PADI4: variants seen among roughly 807,000 people sequenced by gnomAD.
PADI4 encodes peptidyl arginine deiminase 4, also known as protein-arginine deiminase type-4.
A neutral mutation model predicts 75.0 loss-of-function variants in PADI4; 62 were observed. The observed-to-expected ratio is 0.83, with a 90% CI of 0.67 to 1.02. PADI4 has a LOEUF of 1.02. Ranked by LOEUF, PADI4 falls within the 50% of genes least tolerant of loss-of-function variation. PADI4 has a pLI of 0.00. For synonymous variants in PADI4, 361 were observed against 348.1 expected (o/e 1.04, Z -0.41); for missense variants, 845 against 850.5 (o/e 0.99, Z 0.08).
intron 1 of PADI4, among the ~76,000 whole-genome samples, chr1:17,318,014 A>C (rs1322126108): frequency 6.6e-6 from 1 of 152,190 alleles, no homozygotes. Flanking sequence ...CCTCTCAGAA[A>C]AACCAAAACA....
chr1:17,359,002 G>A lies in PADI4; in HGVS notation c.1629+94G>A, dbSNP rs577899126. On this transcript the variant is annotated intron_variant, in intron 14 of 15. Coordinates refer to ENST00000375448, the MANE Select transcript of PADI4 (RefSeq NM_012387.3). ...GATTAGAGGCACACAGAGGCTCAGGGTCTCAGGATGCGCTGGAAGACAGAG... is the reference window on the plus strand; with the variant it reads ...GATTAGAGGCACACAGAGGCTCAGGATCTCAGGATGCGCTGGAAGACAGAG... The A allele has an allele frequency of 1.2e-4, 99 of 826,526 alleles. No homozygotes were observed. The African/African-American group carries it at 1.7e-3, about 14-fold the overall frequency. The allele number at this position is 826,526 out of a possible 1,614,324, so 51.2% of individuals were successfully genotyped here. A position where few individuals can be genotyped will look rare whatever the true frequency, so the allele number is the denominator to read the frequency against.
chr1:17,310,744 TGTG>T (rs2073808021), intron 1 of PADI4, among the ~76,000 whole-genome samples: 1 of 151,980 alleles, frequency 6.6e-6, no homozygotes, highest in South Asian at 2.1e-4. Flanking sequence ...GCAAATCACT[TGTG>T]GTCAGAATTT....
In PADI4 at chr1:17,363,704, C is replaced by T; in HGVS notation, c.1941C>T (p.Thr647=). 6.2e-7 allele frequency: 1 copy of T among 1,614,158 alleles called. No homozygotes were observed. Among genetic ancestry groups the T allele is most frequent in the Non-Finnish European group, 8.5e-7 (1 of 1,179,972 alleles). Residue 647 remains threonine (T), a synonymous_variant, in exon 16 of 16, where the codon ACC becomes ACT. Transcript: ENST00000375448. Reference sequence around the variant, plus strand: ...GGCATGGGGAGGTGCACTGCGGCACCAACGTGCGCAGAAAGCCCTTCTCCT... The same window carrying T: ...GGCATGGGGAGGTGCACTGCGGCACTAACGTGCGCAGAAAGCCCTTCTCCT... ...HIRHGEVHCG[T]NVRRKPFSFK... is the part of the protein sequence containing the mutation.
chr1:17,316,834 G>A (rs906584705), intron 1 of PADI4, among the ~76,000 whole-genome samples: 4 of 151,774 alleles, frequency 2.6e-5, no homozygotes, highest in African/African-American at 7.3e-5. Context: ...CATTTCAGCC[G>A]GGCATTCAGT....
intron 1 of PADI4, among the ~76,000 whole-genome samples, chr1:17,311,518 C>T (rs1464366662): frequency 1.4e-5 from 2 of 139,546 alleles, no homozygotes; most frequent in Non-Finnish European, 1.6e-5. Context: ...CCCAAAGTCT[C>T]CTTCTTCTTT....
chr1:17,312,392 G>A (rs1343130546), intron 1 of PADI4, among the ~76,000 whole-genome samples: 2 of 149,380 alleles, frequency 1.3e-5, no homozygotes, highest in South Asian at 2.1e-4. Flanking sequence ...CCCAGGAGGC[G>A]GAGGTTGCAG....
intron 10 of PADI4, among the ~76,000 whole-genome samples, chr1:17,354,070 T>C (rs1403057986): frequency 6.8e-6 from 1 of 147,898 alleles, no homozygotes; most frequent in Non-Finnish European, 1.5e-5. Context: ...TGAAACCCCA[T>C]CTCTACTAAA....
rs1255692364 is a variant in PADI4, at chr1:17,352,015, A to T, written c.1156-2518A>T. Among the ~76,000 whole-genome samples, 49 of 10,000 alleles carry T rather than the reference A, an allele frequency of 4.9e-3. 4 individuals carry two copies. Among genetic ancestry groups the T allele is most frequent in the African/African-American group, 9.3e-3 (14 of 1,498 alleles). The allele number at this position is 10,000 out of a possible 152,430, so 6.6% of individuals were successfully genotyped here. ...GCAGTCAGGGAGGTGATGGGAGGAG[A>T]GGCGGCCAGGGAGGTGATGGGAGGA... On this transcript the variant is annotated intron_variant, in intron 10 of 15. Coordinates refer to ENST00000375448, the MANE Select transcript of PADI4 (RefSeq NM_012387.3).
chr1:17,315,711 C>T (rs1399807330), intron 1 of PADI4, among the ~76,000 whole-genome samples: 1 of 151,926 alleles, frequency 6.6e-6, no homozygotes, highest in Non-Finnish European at 1.5e-5. Flanking sequence ...AGGGGAGGAG[C>T]AAGTAAAAGA....
In PADI4 at chr1:17,342,284, C is replaced by A; in HGVS notation, c.832-15C>A. On this transcript the variant is annotated splice_polypyrimidine_tract_variant and intron_variant, in intron 7 of 15. Transcript: ENST00000375448. ...CGGTGACAGCCCCTCCTTCCCCTTA[C>A]CCCCTCCCCTGCAGGAGCTCCCCGA... is the stretch of plus-strand genomic sequence containing the variant. The A allele has an allele frequency of 1.3e-6, 2 of 1,554,022 alleles. No individual in the cohort carries two copies.
At chr1:17,350,904 G>T (rs1265036470) in intron 10 of PADI4, among the ~76,000 whole-genome samples, 1 of 128,096 alleles carries the variant, frequency 7.8e-6, no homozygotes, top group African/African-American at 2.5e-5. Flanking sequence ...AGAGCTACAG[G>T]TGCCAGGTGT....
Position 17,363,680 on chromosome 1 carries a change from G to A in PADI4, c.1917G>A (p.Arg639=). The A allele has an allele frequency of 6.2e-7, 1 of 1,614,212 alleles. No individual in the cohort carries two copies. Among genetic ancestry groups the A allele is most frequent in the East Asian group, 2.2e-5 (1 of 44,880 alleles). ...FINDFFTYHI[R]HGEVHCGTNV... ...ACGACTTCTTCACCTACCACATCAG[G>A]CATGGGGAGGTGCACTGCGGCACCA... Residue 639 remains arginine (R), a synonymous_variant, in exon 16 of 16, where the codon AGG becomes AGA. Coordinates refer to ENST00000375448, the MANE Select transcript of PADI4 (RefSeq NM_012387.3).
chr1:17,321,357 C>T (rs2074029818), intron 1 of PADI4, among the ~76,000 whole-genome samples: 2 of 152,218 alleles, frequency 1.3e-5, no homozygotes, highest in East Asian at 1.9e-4. Context: ...CAGGGCCCAC[C>T]CTCACTCTCT....
chr1:17,328,579 C>T (rs1397254345), intron 1 of PADI4, among the ~76,000 whole-genome samples: 1 of 151,766 alleles, frequency 6.6e-6, no homozygotes, highest in African/African-American at 2.4e-5. Flanking sequence ...CATAGGAGGT[C>T]AAGGCTGCAG....
chr1:17,346,427 T>G lies in PADI4; in HGVS notation c.1047+288T>G, dbSNP rs1232322062. ...AATGATGTGAAGCTCAGGAGATTGG[T>G]GCTCAACCAGCCCCTCAAGTGGTCC... On this transcript the variant is annotated intron_variant, in intron 9 of 15. Coordinates refer to ENST00000375448, the MANE Select transcript of PADI4 (RefSeq NM_012387.3). The surrounding 1 kb of genome is among the most constrained non-coding windows in gnomAD (Gnocchi z 4.3). Among the ~76,000 whole-genome samples the G allele has an allele frequency of 6.6e-6, 1 of 152,090 alleles. No homozygotes were observed. Among genetic ancestry groups the G allele is most frequent in the Non-Finnish European group, 1.5e-5 (1 of 68,016 alleles).
chr1:17,362,953 A>G (rs2074866621), intron 15 of PADI4, among the ~76,000 whole-genome samples: 1 of 152,128 alleles, frequency 6.6e-6, no homozygotes, highest in Non-Finnish European at 1.5e-5. Flanking sequence ...CAGCCTCCCA[A>G]GTAGCTGGGA....
chr1:17,322,660 G>T (rs2074051298), intron 1 of PADI4, among the ~76,000 whole-genome samples: 1 of 152,094 alleles, frequency 6.6e-6, no homozygotes, highest in Non-Finnish European at 1.5e-5. Context: ...ACCATGAGAG[G>T]CAGGTTTGAG....
At chr1:17,321,052 G>C (rs2074024110) in intron 1 of PADI4, among the ~76,000 whole-genome samples, 1 of 152,136 alleles carries the variant, frequency 6.6e-6, no homozygotes, top group Non-Finnish European at 1.5e-5. Context: ...GGTCATCTTT[G>C]GGAGACCATT....
At position 17,351,959 on chromosome 1, in the gene PADI4, AGAGGCGGCCAGG is replaced by A. The variant is rs1557576047; in HGVS notation, c.1156-2569_1156-2558del. 2.8e-3 allele frequency among the ~76,000 whole-genome samples: 295 copies of A among 103,628 alleles called. 9 individuals are homozygous for A. The highest frequency in any genetic ancestry group is 9.8e-3 in the Middle Eastern group (2 of 204). 68.0% of individuals were successfully genotyped at this position (103,628 alleles called of 152,430 possible). ...CAGGGAGGTGATGGGAGGTGGGAGG[AGAGGCGGCCAGG>A]GAGGTGATGGGAGGAGAGGCAGTCA... On this transcript the variant is annotated intron_variant, in intron 10 of 15. Transcript: ENST00000375448.
Sources: allele counts gnomAD v4.1 joint callset (sites outside exome capture counted in the v4.1 genomes callset), GRCh38; gene constraint gnomAD v4.1.1; non-coding constraint Gnocchi (gnomAD v3.1); transcripts MANE v1.5; gene names NCBI Gene and HGNC (gene_info 2026-07-23, HGNC 2026-07-21).